PLD5: variants seen among roughly 807,000 people sequenced by gnomAD.
The protein encoded by PLD5 is phospholipase D family member 5.
In PLD5, 36 loss-of-function variants were observed where a neutral mutation model predicts 61.1. The observed-to-expected ratio is 0.59, with a 90% CI of 0.45 to 0.78. The LOEUF (loss-of-function observed/expected upper bound fraction) is 0.78, where lower values mean the gene tolerates loss of function less well. Among genes scored for constraint, PLD5 ranks in the 30% least tolerant of loss-of-function variants. The probability of loss-of-function intolerance (pLI) is 0.00; values close to 1 mark genes in which losing one functional copy is unlikely to be tolerated. For synonymous variants in PLD5, 243 were observed against 242.8 expected, an observed-to-expected ratio of 1.00 and a Z score of -0.01; for missense variants, 515 against 644.4, an observed-to-expected ratio of 0.80 and a Z score of 2.17.
intron 2 of PLD5, among the ~76,000 whole-genome samples, chr1:242,312,239 T>TC (rs1323139735): frequency 6.6e-6 from 1 of 151,746 alleles, no homozygotes; most frequent in Non-Finnish European, 1.5e-5. Flanking sequence ...GCCAGATTTT[T>TC]TTTTTTAATT....
intron 1 of PLD5, among the ~76,000 whole-genome samples, chr1:242,522,289 G>T (rs560490986): frequency 6.6e-6 from 1 of 152,264 alleles, no homozygotes; most frequent in East Asian, 1.9e-4. Context: ...ATGCTCACAC[G>T]CTTTCAAATA....
intron 1 of PLD5, among the ~76,000 whole-genome samples, chr1:242,348,750 G>A (rs188551831): frequency 6.6e-6 from 1 of 152,206 alleles, no homozygotes; most frequent in African/African-American, 2.4e-5. Context: ...ACATTTTAGG[G>A]AGACATAAAA....
intron 3 of PLD5, among the ~76,000 whole-genome samples, chr1:242,269,213 T>C (rs1387744308): frequency 6.6e-6 from 1 of 152,192 alleles, no homozygotes; most frequent in Non-Finnish European, 1.5e-5. Flanking sequence ...TATAAAATCT[T>C]GCCCTTTCTA....
At chr1:242,139,240 T>G (rs1280422500) in intron 5 of PLD5, among the ~76,000 whole-genome samples, 1 of 152,212 alleles carries the variant, frequency 6.6e-6, no homozygotes, top group African/African-American at 2.4e-5. Context: ...TTTCTGCTTT[T>G]GTTTTCAGTT....
chr1:242,175,573 A>G (rs1325855853), intron 5 of PLD5, among the ~76,000 whole-genome samples: 1 of 152,226 alleles, frequency 6.6e-6, no homozygotes, highest in Non-Finnish European at 1.5e-5. Flanking sequence ...ACTCCTATTC[A>G]GTATAGTATT....
intron 9 of PLD5, among the ~76,000 whole-genome samples, chr1:242,100,295 A>C (rs2148666949): frequency 6.6e-6 from 1 of 152,238 alleles, no homozygotes; most frequent in Admixed American, 6.5e-5. Flanking sequence ...CCTTCCCATC[A>C]CTCATGTCAG....
chr1:242,525,821 A>G (rs1246917423), upstream of PLD5, among the ~76,000 whole-genome samples: 4 of 152,188 alleles, frequency 2.6e-5, no homozygotes, highest in South Asian at 8.3e-4. Context: ...ATATCTTTTC[A>G]AAGTCTCCAT....
intron 1 of PLD5, among the ~76,000 whole-genome samples, chr1:242,492,808 C>T (rs140974444): frequency 2.4e-4 from 36 of 152,196 alleles, no homozygotes; most frequent in African/African-American, 7.9e-4. Flanking sequence ...CTGTTGTCTC[C>T]GTGTATTCTC....
At chr1:242,442,807 T>TA (rs1228582916) in intron 1 of PLD5, among the ~76,000 whole-genome samples, 1 of 152,230 alleles carries the variant, frequency 6.6e-6, no homozygotes, top group Middle Eastern at 3.2e-3. Flanking sequence ...TTCAGTATCT[T>TA]AAGAAATTAA....
chr1:242,440,975 A>G (rs1377981665), intron 1 of PLD5, among the ~76,000 whole-genome samples: 2 of 152,226 alleles, frequency 1.3e-5, no homozygotes, highest in Non-Finnish European at 2.9e-5. Context: ...ATTATTATAA[A>G]TAGTAATTTG....
intron 3 of PLD5, among the ~76,000 whole-genome samples, chr1:242,271,313 A>G (rs1470396053): frequency 6.7e-6 from 1 of 150,274 alleles, no homozygotes; most frequent in Non-Finnish European, 1.5e-5. Flanking sequence ...GCTCATAGGC[A>G]TACAAAAAAG....
chr1:242,389,571 GA>G (rs1209292752), intron 1 of PLD5, among the ~76,000 whole-genome samples: 8 of 151,792 alleles, frequency 5.3e-5, no homozygotes, highest in East Asian at 1.9e-4. Context: ...CTGAGGGGGG[GA>G]AAATCTGTTT....
At chr1:242,517,346 A>C (rs1669136170) in intron 1 of PLD5, among the ~76,000 whole-genome samples, 1 of 152,230 alleles carries the variant, frequency 6.6e-6, no homozygotes, top group East Asian at 1.9e-4. Context: ...TTATCGGAAT[A>C]GTAATGATTG....
intron 2 of PLD5, among the ~76,000 whole-genome samples, chr1:242,318,101 C>T (rs1187556085): frequency 1.3e-5 from 2 of 152,122 alleles, no homozygotes; most frequent in African/African-American, 2.4e-5. Flanking sequence ...AAAAGTGGCT[C>T]GCCTAAGAAG....
At chr1:242,481,271 C>A (rs920199358) in intron 1 of PLD5, among the ~76,000 whole-genome samples, 1 of 152,192 alleles carries the variant, frequency 6.6e-6, no homozygotes, top group Non-Finnish European at 1.5e-5. Flanking sequence ...CATCACCTCA[C>A]CCGGGAAGTG....
At chr1:242,126,771 AC>A (rs1218899940) in intron 5 of PLD5, among the ~76,000 whole-genome samples, 1 of 152,194 alleles carries the variant, frequency 6.6e-6, no homozygotes, top group Non-Finnish European at 1.5e-5. Context: ...ATGAACAAGT[AC>A]CCAAAAGCAA....
intron 1 of PLD5, among the ~76,000 whole-genome samples, chr1:242,468,201 G>T (rs1667334321): frequency 6.6e-6 from 1 of 152,120 alleles, no homozygotes. Context: ...TTGACTTTAA[G>T]CATTTGTGAT....
intron 2 of PLD5, among the ~76,000 whole-genome samples, chr1:242,320,358 T>C (rs1376090979): frequency 1.3e-5 from 2 of 152,120 alleles, no homozygotes; most frequent in African/African-American, 4.8e-5. Context: ...CTGATGAAAA[T>C]GGAAGCACTA....
At chr1:242,475,561 A>G (rs1667572447) in intron 1 of PLD5, among the ~76,000 whole-genome samples, 1 of 152,124 alleles carries the variant, frequency 6.6e-6, no homozygotes, top group African/African-American at 2.4e-5. Flanking sequence ...CGCCCAAAAC[A>G]GTTCACAGGA....
Sources: allele counts gnomAD v4.1 joint callset (sites outside exome capture counted in the v4.1 genomes callset), GRCh38; gene constraint gnomAD v4.1.1; transcripts MANE v1.5; gene names NCBI Gene and HGNC (gene_info 2026-07-23, HGNC 2026-07-21).